FER1L5: variants seen among roughly 807,000 people sequenced by gnomAD.
The protein encoded by FER1L5 is fer-1 like family member 5, also known as fer-1-like protein 5.
In FER1L5, 187 loss-of-function variants were observed where a neutral mutation model predicts 279.9. The observed-to-expected ratio is 0.67, with a 90% CI of 0.59 to 0.75. The LOEUF is 0.75. FER1L5 is among the 30% of genes least tolerant of loss of function. The probability of loss-of-function intolerance (pLI) is 0.00; values close to 1 mark genes in which losing one functional copy is unlikely to be tolerated. For missense variants in FER1L5, 2,091 were observed against 2,594.4 expected, an observed-to-expected ratio of 0.81 and a Z score of 4.21; for synonymous variants, 921 against 989.7, an observed-to-expected ratio of 0.93 and a Z score of 1.30.
In FER1L5 at chr2:96,694,703, C is replaced by A; in HGVS notation, c.3741+239C>A. The A allele has an allele frequency of 2.5e-6, 1 of 400,336 alleles. No individual in the cohort carries two copies. Among genetic ancestry groups the A allele is most frequent in the South Asian group, 8.1e-5 (1 of 12,304 alleles). The allele number at this position is 400,336 out of a possible 1,614,324, so 24.8% of individuals were successfully genotyped here. The stretch of plus-strand genomic sequence containing the variant: ...GGCAAAGGGCTGTAGCATGCATGAT[C>A]ACTTGTGGGACTCACGCTGCCCCTG... On this transcript the variant is annotated intron_variant, in intron 34 of 52. Coordinates refer to ENST00000624922, the MANE Select transcript of FER1L5 (RefSeq NM_001293083.2). The surrounding 1 kb of genome is among the most constrained non-coding windows in gnomAD (Gnocchi z 4.6).
At chr2:96,693,757 G>GA (rs2077248601) in intron 32 of FER1L5, 70 bp downstream of exon 32, 9 of 1,501,348 alleles carry the variant, frequency 6.0e-6, no homozygotes, top group Middle Eastern at 1.7e-4. Context: ...ATTTATTTTA[G>GA]ATGAAAATGT....
chr2:96,684,273 G>C, intron 19 of FER1L5, 54 bp from the exon 20 acceptor site: 2 of 1,533,976 alleles, frequency 1.3e-6, no homozygotes, highest in Non-Finnish European at 1.8e-6. Flanking sequence ...AGTGAGAAGA[G>C]ACCTCCCAGA....
In FER1L5 at chr2:96,686,312, G is replaced by C. The variant is rs769303983; in HGVS notation, c.2191G>C (p.Gly731Arg). 185 of 1,551,376 alleles carry C rather than the reference G, an allele frequency of 1.2e-4. 1 individual carries two copies. Among genetic ancestry groups the C allele is most frequent in the Admixed American group, 2.4e-4 (12 of 50,982 alleles). ...LFSPAGALHS[G>R]RLCGKIQTLF... is the part of the protein sequence containing the mutation. ...CTCCCCGGCAGGGGCTCTGCACTCC[G>C]GCAGGCTCTGTGGGAAGATACAGAC... is the stretch of plus-strand genomic sequence containing the variant. The change falls in exon 23 of 53, where the codon GGC becomes CGC. Residue 731 changes from glycine (G) to arginine (R), a missense_variant. Physicochemically the swap from Gly to Arg is moderately radical, Grantham distance 125 (BLOSUM62 -2). Transcript: ENST00000624922.
intron 12 of FER1L5, 115 bp downstream of exon 12, chr2:96,661,906 G>T (rs762512358): frequency 4.2e-6 from 6 of 1,419,390 alleles, no homozygotes; most frequent in Non-Finnish European, 4.7e-6. Flanking sequence ...TTTGGGGTAG[G>T]GGGGACAGGG....
rs1272012899 is a variant in FER1L5, at chr2:96,697,767, A to C, written c.4236+6A>C. 1 of 1,613,680 alleles carries C rather than the reference A, an allele frequency of 6.2e-7. No individual in the cohort carries two copies. Among genetic ancestry groups the C allele is most frequent in the South Asian group, 1.1e-5 (1 of 91,074 alleles). ...AAGACTACCACACCCTCAAGGTTTG[A>C]AGGAGGGAAGAAATGGGATGGAATC... On this transcript the variant is annotated splice_donor_region_variant and intron_variant, in intron 39 of 52. Transcript: ENST00000624922.
intron 23 of FER1L5, 86 bp downstream of exon 23, chr2:96,686,436 G>A: frequency 7.0e-7 from 1 of 1,430,074 alleles, no homozygotes; most frequent in Non-Finnish European, 9.3e-7. Context: ...AGCCCCTATG[G>A]GGCCTGTTTT....
At chr2:96,686,652 T>G (rs2076936989) in intron 23 of FER1L5, among the ~76,000 whole-genome samples, 1 of 151,926 alleles carries the variant, frequency 6.6e-6, no homozygotes, top group Admixed American at 6.6e-5. Flanking sequence ...GTCAGGAGTT[T>G]GAGACCCAGC....
At position 96,663,394 on chromosome 2, in the gene FER1L5, G is replaced by A. The variant is rs1037137236; in HGVS notation, c.1072-45G>A. ...AGCTGGAAGGTGAGGTCAGTGGAGGGAGGAGGGGGCAGGCTGGCACCAACA... is the reference window on the plus strand; with the variant it reads ...AGCTGGAAGGTGAGGTCAGTGGAGGAAGGAGGGGGCAGGCTGGCACCAACA... On this transcript the variant is annotated intron_variant, in intron 13 of 52. Transcript: ENST00000624922. The A allele has an allele frequency of 2.0e-6, 3 of 1,534,478 alleles. No individual in the cohort carries two copies. The Admixed American group carries it at 5.9e-5, about 30-fold the overall frequency.
At chr2:96,648,991 A>G (rs1279768186) in intron 4 of FER1L5, among the ~76,000 whole-genome samples, 1 of 138,562 alleles carries the variant, frequency 7.2e-6, no homozygotes, top group African/African-American at 2.7e-5. Context: ...AAGTGGGTGG[A>G]GCAGGAGGCA....
chr2:96,677,685 G>T (rs2076559485), intron 19 of FER1L5, among the ~76,000 whole-genome samples: 1 of 151,996 alleles, frequency 6.6e-6, no homozygotes, highest in South Asian at 2.1e-4. Flanking sequence ...GACCAACATG[G>T]TGAAACCCCG....
At chr2:96,663,767 G>C (rs1438905698) in intron 14 of FER1L5, among the ~76,000 whole-genome samples, 1 of 152,144 alleles carries the variant, frequency 6.6e-6, no homozygotes, top group Non-Finnish European at 1.5e-5. Flanking sequence ...ATTTGGCTGG[G>C]CACGGTGGCT....
rs867434519 is a variant in FER1L5 at position 96,677,903 on chromosome 2, C to T, written c.1669+4649C>T. Reference sequence around the variant, plus strand: ...AAAGAATAAAGCTGCTGTGAACATTCGTATACAAGTCTTTAAGTGGAATGG... The same window carrying T: ...AAAGAATAAAGCTGCTGTGAACATTTGTATACAAGTCTTTAAGTGGAATGG... On this transcript the variant is annotated intron_variant, in intron 19 of 52. Transcript: ENST00000624922. Among the ~76,000 whole-genome samples the T allele has an allele frequency of 6.6e-5, 10 of 151,684 alleles. No individual in the cohort carries two copies. In the Middle Eastern group the frequency reaches 9.6e-3, roughly 145 times the overall value.
intron 26 of FER1L5, among the ~76,000 whole-genome samples, chr2:96,690,001 C>T (rs1324687411): frequency 2.0e-5 from 3 of 152,166 alleles, no homozygotes; most frequent in Non-Finnish European, 4.4e-5. Context: ...TCTTCCTAGG[C>T]CTCCTTCAAA....
chr2:96,701,425 T>C (rs549186664), intron 45 of FER1L5, among the ~76,000 whole-genome samples: 3 of 152,380 alleles, frequency 2.0e-5, no homozygotes, highest in East Asian at 3.9e-4. Context: ...TATTCTTCAA[T>C]GTTGGCAGTT....
chr2:96,649,075 A>G (rs1447730424), intron 4 of FER1L5, among the ~76,000 whole-genome samples: 1 of 152,116 alleles, frequency 6.6e-6, no homozygotes, highest in African/African-American at 2.4e-5. Flanking sequence ...CTTAGGTTGC[A>G]TAAGTGACCA....
chr2:96,682,559 C>T (rs1290532699), intron 19 of FER1L5, among the ~76,000 whole-genome samples: 1 of 152,242 alleles, frequency 6.6e-6, no homozygotes, highest in Non-Finnish European at 1.5e-5. Flanking sequence ...TGGTTCTCAG[C>T]TGCTCACTTT....
At position 96,659,290 on chromosome 2, in the gene FER1L5, T is replaced by TTCCTTCCTTCCTTCC. The variant is rs1553449027; in HGVS notation, c.748-1050_748-1049insCCTTCCTTCCTTCCT. ...TTTGATGAAGTCCAATTTATCAAGC[T>TTCCTTCCTTCCTTCC]TTCCTTCCTTCCTTCCTTCCTTCCT... On this transcript the variant is annotated intron_variant, in intron 9 of 52. Transcript: ENST00000624922. Among the ~76,000 whole-genome samples the TTCCTTCCTTCCTTCC allele has an allele frequency of 2.5e-3, 203 of 81,038 alleles. 15 individuals are homozygous for TTCCTTCCTTCCTTCC. Among genetic ancestry groups the TTCCTTCCTTCCTTCC allele is most frequent in the East Asian group, 7.7e-3 (24 of 3,106 alleles). 53.2% of individuals were successfully genotyped at this position (81,038 alleles called of 152,430 possible).
At chr2:96,672,112 CTTG>C (rs2076349487) in intron 18 of FER1L5, among the ~76,000 whole-genome samples, 1 of 152,098 alleles carries the variant, frequency 6.6e-6, no homozygotes, top group Non-Finnish European at 1.5e-5. Context: ...GAGTTTTGCT[CTTG>C]TTGCCCAGGC....
intron 9 of FER1L5, among the ~76,000 whole-genome samples, chr2:96,658,256 G>A (rs1288691613): frequency 6.6e-6 from 1 of 151,830 alleles, no homozygotes; most frequent in Admixed American, 6.6e-5. Context: ...GACCTTGTGA[G>A]CGGCCCACCT....
Sources: allele counts gnomAD v4.1 joint callset (sites outside exome capture counted in the v4.1 genomes callset), GRCh38; gene constraint gnomAD v4.1.1; non-coding constraint Gnocchi (gnomAD v3.1); transcripts MANE v1.5; gene names NCBI Gene and HGNC (gene_info 2026-07-23, HGNC 2026-07-21).